AGBL2: variants seen among roughly 807,000 people sequenced by gnomAD.
AGBL2 encodes the protein cytosolic carboxypeptidase 2.
In AGBL2, 87 loss-of-function variants were observed where a neutral mutation model predicts 103.0. That is an observed-to-expected ratio of 0.84 (90% CI 0.71 to 1.01). The LOEUF is 1.01. Among genes scored for constraint, AGBL2 ranks in the 50% least tolerant of loss-of-function variants. AGBL2 has a pLI of 0.00. For missense variants in AGBL2, 904 were observed against 1,023.5 expected (o/e 0.88, Z 1.59); for synonymous variants, 335 against 356.7 (o/e 0.94, Z 0.69).
At position 47,660,286 on chromosome 11, in the gene AGBL2, C is replaced by T. The variant is rs755646959; in HGVS notation, c.2596G>A (p.Glu866Lys). 2.5e-6 allele frequency: 4 copies of T among 1,614,190 alleles called. No individual in the cohort carries two copies. The South Asian group carries it at 4.4e-5, about 18-fold the overall frequency. ...TTTGGCTTCATACCTGGAGCTGGCT[C>T]TTGGCTGGAGTTTATGGTTCTCTTT... The part of the protein sequence containing the change: ...SPKRTINSSQ[E>K]PAPGMKPNWP... The change falls in exon 19 of 19, where the codon GAG (glutamate) becomes AAG (lysine). Residue 866 changes from glutamate to lysine, a missense_variant. Glu to Lys is a moderately conservative substitution (Grantham distance 56). Coordinates refer to ENST00000525123, the MANE Select transcript of AGBL2 (RefSeq NM_024783.4).
At chr11:47,703,943 A>AAC (rs2097507944) in intron 7 of AGBL2, among the ~76,000 whole-genome samples, 1 of 149,312 alleles carries the variant, frequency 6.7e-6, no homozygotes, top group South Asian at 2.1e-4. Context: ...AAAAAAAACA[A>AAC]AAAAAAAACT....
chr11:47,691,654 GC>G (rs1019292310), intron 9 of AGBL2, among the ~76,000 whole-genome samples: 67 of 135,802 alleles, frequency 4.9e-4, no homozygotes, highest in African/African-American at 1.7e-3. Flanking sequence ...CTTGCAGTGA[GC>G]CAAGATCATG....
chr11:47,683,796 T>G (rs879699408), intron 11 of AGBL2, among the ~76,000 whole-genome samples: 1 of 150,158 alleles, frequency 6.7e-6, no homozygotes, highest in Non-Finnish European at 1.5e-5. Flanking sequence ...TAAAATACTT[T>G]TCTAAAGCCA....
chr11:47,702,294 T>C (rs1172387769), intron 7 of AGBL2, among the ~76,000 whole-genome samples: 20 of 152,218 alleles, frequency 1.3e-4, no homozygotes, highest in Admixed American at 1.3e-3. Flanking sequence ...TGAAATACTT[T>C]TCTTTGACCC....
intron 7 of AGBL2, among the ~76,000 whole-genome samples, chr11:47,702,370 C>T (rs1414255777): frequency 6.6e-6 from 1 of 152,072 alleles, no homozygotes; most frequent in Non-Finnish European, 1.5e-5. Context: ...CTTTTGAAAA[C>T]TTATGCTGAT....
chr11:47,663,096 C>A lies in AGBL2; in HGVS notation c.2465G>T (p.Arg822Ile). 6.3e-7 allele frequency: 1 copy of A among 1,590,126 alleles called. No individual in the cohort carries two copies. The highest frequency in any genetic ancestry group is 8.5e-7 in the Non-Finnish European group (1 of 1,174,580). The change falls in exon 18 of 19, where the codon AGA (arginine) becomes ATA (isoleucine). Residue 822 changes from arginine (R) to isoleucine (I), a missense_variant. Transcript: ENST00000525123. ...PRLNETNLNR[R>I]DKDTPLDPSM... is the part of the protein sequence containing the mutation. ...TGGGTCCAGGGGGGTGTCTTTGTCT[C>A]TTCTATTTAAATTTGTCTAAAATAA...
intron 11 of AGBL2, among the ~76,000 whole-genome samples, chr11:47,683,227 GC>G (rs1406745709): frequency 4.6e-5 from 7 of 151,812 alleles, no homozygotes; most frequent in African/African-American, 1.7e-4. Context: ...AAAAAAATTA[GC>G]CGGGCATGGC....
At chr11:47,696,274 G>A (rs984934239) in intron 8 of AGBL2, among the ~76,000 whole-genome samples, 2 of 149,016 alleles carry the variant, frequency 1.3e-5, no homozygotes, top group South Asian at 4.3e-4. Flanking sequence ...TTTGTTTTTT[G>A]TTTTTTGAGA....
In AGBL2 at chr11:47,714,344, T is replaced by G. The variant is rs200606333; in HGVS notation, c.37A>C (p.Ile13Leu). ...ATAAAGTCTTCATAAGGATCAGGAATAGTCTGTGAAAGGAAAGGCCACTTC... is the reference window on the plus strand; with the variant it reads ...ATAAAGTCTTCATAAGGATCAGGAAGAGTCTGTGAAAGGAAAGGCCACTTC... The part of the protein sequence containing the change: ...PALETHLKQT[I>L]PDPYEDFMYR... Residue 13 changes from isoleucine (I) to leucine (L), a missense_variant, in exon 3 of 19, where the codon ATT (isoleucine) becomes CTT (leucine). Physicochemically the swap from Ile to Leu is conservative, Grantham distance 5. Transcript: ENST00000525123. 4.2e-5 allele frequency: 68 copies of G among 1,612,456 alleles called. No homozygotes were observed. Among genetic ancestry groups the G allele is most frequent in the Non-Finnish European group, 5.7e-5 (67 of 1,179,338 alleles).
At position 47,691,729 on chromosome 11, in the gene AGBL2, A is replaced by AAAAATATAT; in HGVS notation, c.848+373_848+374insATATATTTT. 3.1e-3 allele frequency among the ~76,000 whole-genome samples: 15 copies of AAAAATATAT among 4,852 alleles called. 2 individuals are homozygous for AAAAATATAT. Among genetic ancestry groups the AAAAATATAT allele is most frequent in the African/African-American group, 0.01 (14 of 1,386 alleles). The allele number at this position is 4,852 out of a possible 152,430, so 3.2% of individuals were successfully genotyped here. ...TCTCAAGAAAAAAAAAAAAAAAAAA[A>AAAAATATAT]ATATATATATATATATATATATATA... On this transcript the variant is annotated intron_variant, in intron 9 of 18. Coordinates refer to ENST00000525123, the MANE Select transcript of AGBL2 (RefSeq NM_024783.4).
At position 47,692,260 on chromosome 11, in the gene AGBL2, C is replaced by A. The variant is rs569791728; in HGVS notation, c.695-4G>T. Reference sequence around the variant, plus strand: ...AAATAGGAACCTTCTATAGGCACTGCAGAGAAAAGATATATTTAGGCTAGG... The same window carrying A: ...AAATAGGAACCTTCTATAGGCACTGAAGAGAAAAGATATATTTAGGCTAGG... On this transcript the variant is annotated splice_polypyrimidine_tract_variant and splice_region_variant and intron_variant, in intron 8 of 18. Coordinates refer to ENST00000525123, the MANE Select transcript of AGBL2 (RefSeq NM_024783.4). 5.0e-6 allele frequency: 8 copies of A among 1,612,954 alleles called. No homozygotes were observed. In the Admixed American group the frequency reaches 6.7e-5, roughly 13 times the overall value.
chr11:47,664,646 C>T (rs1022507266), intron 17 of AGBL2, among the ~76,000 whole-genome samples: 8 of 151,536 alleles, frequency 5.3e-5, no homozygotes, highest in African/African-American at 1.7e-4. Flanking sequence ...CTCCTGACCT[C>T]GTGATCCGCC....
intron 10 of AGBL2, among the ~76,000 whole-genome samples, chr11:47,687,503 A>T (rs1367522873): frequency 6.6e-6 from 1 of 151,950 alleles, no homozygotes; most frequent in Non-Finnish European, 1.5e-5. Flanking sequence ...GCACACAGTA[A>T]ATATTCAATA....
chr11:47,667,551 AGCC>A lies in AGBL2; in HGVS notation c.2340+17_2340+19del. 1.2e-6 allele frequency: 2 copies of A among 1,612,070 alleles called. No homozygotes were observed. The highest frequency in any genetic ancestry group is 1.7e-6 in the Non-Finnish European group (2 of 1,179,590). ...TGGTCTGAAACTAGACAGTAGAAATAGCCAGCAAGTCTTTCTTACTGAGGTATC... is the reference window on the plus strand; with the variant it reads ...TGGTCTGAAACTAGACAGTAGAAATAAGCAAGTCTTTCTTACTGAGGTATC... On this transcript the variant is annotated intron_variant, in intron 16 of 18. Coordinates refer to ENST00000525123, the MANE Select transcript of AGBL2 (RefSeq NM_024783.4).
At position 47,690,084 on chromosome 11, in the gene AGBL2, C is replaced by T. The variant is rs748479203; in HGVS notation, c.1623G>A (p.Met541Ile). 3.1e-6 allele frequency: 5 copies of T among 1,601,700 alleles called. No homozygotes were observed. The Admixed American group carries it at 8.8e-5, about 28-fold the overall frequency. Residue 541 changes from methionine to isoleucine, a missense_variant, in exon 10 of 19, where the codon ATG becomes ATA. Met to Ile is a conservative substitution (Grantham distance 10). Coordinates refer to ENST00000525123, the MANE Select transcript of AGBL2 (RefSeq NM_024783.4). ...SFPCIWYTRN[M>I]IKRLLEEREV... ...CAGATAAAAAGTCTCACCTTTTGAT[C>T]ATGTTCCTGGTGTACCAAATACAAG...
At chr11:47,671,935 C>A (rs571616672) in intron 14 of AGBL2, among the ~76,000 whole-genome samples, 1 of 152,206 alleles carries the variant, frequency 6.6e-6, no homozygotes, top group South Asian at 2.1e-4. Flanking sequence ...CCTTTGCAAT[C>A]GTGACAATGA....
chr11:47,694,322 G>A (rs2097459075), intron 8 of AGBL2, among the ~76,000 whole-genome samples: 1 of 151,862 alleles, frequency 6.6e-6, no homozygotes, highest in Non-Finnish European at 1.5e-5. Context: ...CCAAAAACTC[G>A]ATGTTAGCCT....
chr11:47,685,432 T>C (rs535424318), intron 11 of AGBL2, among the ~76,000 whole-genome samples: 1 of 151,862 alleles, frequency 6.6e-6, no homozygotes, highest in African/African-American at 2.4e-5. Context: ...CAATTCTTTT[T>C]TTTTTTGAGA....
intron 13 of AGBL2, 55 bp from the exon 14 acceptor site, chr11:47,677,456 A>AT (rs1321704687): frequency 7.0e-6 from 8 of 1,146,704 alleles, no homozygotes; most frequent in Non-Finnish European, 9.0e-6. Flanking sequence ...TTATTTATTT[A>AT]TTATTATTAT....
Sources: gnomAD v4.1 joint callset for allele counts (sites outside exome capture counted in the v4.1 genomes callset) on GRCh38, gnomAD v4.1.1 for gene constraint, MANE v1.5 for transcripts, NCBI Gene and HGNC (gene_info 2026-07-23, HGNC 2026-07-21) for gene names.